FBLN2: variants seen among roughly 807,000 people sequenced by gnomAD.
FBLN2 encodes the protein fibulin-2.
Under a neutral mutation model 123.7 loss-of-function variants are expected in FBLN2, and 81 were observed. The observed-to-expected ratio is 0.65, with a 90% CI of 0.55 to 0.79. The LOEUF (loss-of-function observed/expected upper bound fraction) is 0.79. Among genes scored for constraint, FBLN2 ranks in the 30% least tolerant of loss-of-function variants. The probability of loss-of-function intolerance (pLI) is 0.00; values close to 1 mark genes in which losing one functional copy is unlikely to be tolerated. For synonymous variants in FBLN2, 699 were observed against 701.4 expected (o/e 1.00, Z 0.05); for missense variants, 1,603 against 1,681.3 (o/e 0.95, Z 0.81).
chr3:13,629,555 G>A (rs190964591), intron 13 of FBLN2, among the ~76,000 whole-genome samples: 3 of 149,734 alleles, frequency 2.0e-5, no homozygotes, highest in Non-Finnish European at 4.4e-5. Flanking sequence ...TGCTTCCCTC[G>A]GTCTCTGTCA....
intron 1 of FBLN2, among the ~76,000 whole-genome samples, chr3:13,550,355 G>A (rs1703287306): frequency 6.6e-6 from 1 of 152,254 alleles, no homozygotes; most frequent in South Asian, 2.1e-4. Flanking sequence ...CTCCGAAATA[G>A]GGGTGCCCTC....
intron 2 of FBLN2, among the ~76,000 whole-genome samples, chr3:13,595,250 C>T (rs1172494886): frequency 6.6e-6 from 1 of 152,154 alleles, no homozygotes; most frequent in Non-Finnish European, 1.5e-5. Flanking sequence ...GTGAGGGCCA[C>T]AGAAAGCAGT....
intron 2 of FBLN2, among the ~76,000 whole-genome samples, chr3:13,599,719 C>T (rs965719633): frequency 2.0e-5 from 3 of 151,354 alleles, no homozygotes; most frequent in Admixed American, 6.6e-5. Context: ...GAGGGATTGG[C>T]CTGGGAGCGT....
At chr3:13,555,862 G>A (rs58747773) in intron 1 of FBLN2, among the ~76,000 whole-genome samples, 6,195 of 152,296 alleles carry the variant, frequency 0.041, 356 homozygotes, top group African/African-American at 0.13. Context: ...AGGGATTCGC[G>A]GGGACATTTC....
chr3:13,595,107 G>A (rs1704798796), intron 2 of FBLN2, among the ~76,000 whole-genome samples: 1 of 152,198 alleles, frequency 6.6e-6, no homozygotes, highest in Non-Finnish European at 1.5e-5. Flanking sequence ...TCCTTCTAGA[G>A]CCAGAGGGAA....
Position 13,631,217 on chromosome 3 carries a change from T to C in FBLN2, c.3086-112T>C, listed in dbSNP as rs1288030266. On this transcript the variant is annotated intron_variant, in intron 15 of 17. Coordinates refer to ENST00000404922, the MANE Select transcript of FBLN2 (RefSeq NM_001004019.2). ...TACTCTCTCAGTCCACTTGTCTTCA[T>C]TTAAAAAATGGGCCCCTAAGCTCTA... 14 of 1,346,752 alleles carry C rather than the reference T, an allele frequency of 1.0e-5. 1 individual carries two copies. Among genetic ancestry groups the C allele is most frequent in the Admixed American group, 2.5e-5 (1 of 39,818 alleles). 83.4% of individuals were successfully genotyped at this position (1,346,752 alleles called of 1,614,324 possible). A position where few individuals can be genotyped will look rare whatever the true frequency, so the allele number is the denominator to read the frequency against.
At chr3:13,589,243 G>A (rs892500998) in intron 2 of FBLN2, among the ~76,000 whole-genome samples, 6 of 152,164 alleles carry the variant, frequency 3.9e-5, no homozygotes, top group Non-Finnish European at 7.4e-5. Context: ...ATGAAAATGC[G>A]GATGACAGTC....
intron 10 of FBLN2, among the ~76,000 whole-genome samples, chr3:13,627,306 T>A (rs980742797): frequency 1.3e-5 from 2 of 152,124 alleles, no homozygotes; most frequent in African/African-American, 4.8e-5. Flanking sequence ...AAAGACAGTC[T>A]CCGGGGTTGG....
intron 2 of FBLN2, among the ~76,000 whole-genome samples, chr3:13,575,977 G>A (rs1704127277): frequency 6.6e-6 from 1 of 152,176 alleles, no homozygotes; most frequent in Non-Finnish European, 1.5e-5. Context: ...TCATATCACA[G>A]AAACAAGAGC....
intron 2 of FBLN2, among the ~76,000 whole-genome samples, chr3:13,593,669 G>A (rs1489287226): frequency 6.9e-6 from 1 of 144,336 alleles, no homozygotes; most frequent in African/African-American, 2.6e-5. Context: ...AGCTGAGATC[G>A]CGCCACTGCA....
chr3:13,549,906 G>A (rs1188050292), intron 1 of FBLN2, among the ~76,000 whole-genome samples: 1 of 152,184 alleles, frequency 6.6e-6, no homozygotes, highest in Non-Finnish European at 1.5e-5. Context: ...CCCCTCCGAG[G>A]CATGCCTCTA....
intron 2 of FBLN2, among the ~76,000 whole-genome samples, chr3:13,597,950 G>C (rs1704900626): frequency 6.6e-6 from 1 of 152,238 alleles, no homozygotes; most frequent in Non-Finnish European, 1.5e-5. Context: ...GTCAGAGTGG[G>C]AGAGCACCTG....
chr3:13,572,030 G>A (rs557807530), intron 2 of FBLN2, among the ~76,000 whole-genome samples: 2 of 152,236 alleles, frequency 1.3e-5, no homozygotes, highest in East Asian at 3.8e-4. Flanking sequence ...AATGCGAAGG[G>A]CGGTCTCTTC....
intron 3 of FBLN2, 68 bp from the exon 4 acceptor site, chr3:13,609,445 C>G: frequency 1.4e-6 from 2 of 1,476,790 alleles, no homozygotes; most frequent in Non-Finnish European, 1.8e-6. Flanking sequence ...TCCTCTGAGC[C>G]TCACTCACTT....
chr3:13,606,112 C>G (rs765609356), intron 2 of FBLN2, among the ~76,000 whole-genome samples: 1 of 152,140 alleles, frequency 6.6e-6, no homozygotes, highest in Non-Finnish European at 1.5e-5. Context: ...GTTGTCCAGG[C>G]TGGTCTCGAA....
chr3:13,614,560 C>T (rs1212986646), intron 5 of FBLN2, among the ~76,000 whole-genome samples: 2 of 149,338 alleles, frequency 1.3e-5, no homozygotes, highest in African/African-American at 2.5e-5. Context: ...CTCATTCATC[C>T]TCTATCCCAT....
chr3:13,636,675 C>T (rs991909668), intron 17 of FBLN2, 107 bp downstream of exon 17: 1 of 1,344,366 alleles, frequency 7.4e-7, no homozygotes, highest in Non-Finnish European at 1.0e-6. Context: ...TCCCTCTCGT[C>T]CCAGCCCCTG....
At chr3:13,596,921 A>G (rs185402318) in intron 2 of FBLN2, among the ~76,000 whole-genome samples, 1 of 148,338 alleles carries the variant, frequency 6.7e-6, no homozygotes, top group Non-Finnish European at 1.5e-5. Flanking sequence ...TTAAAAAATA[A>G]ATTTGTTTAT....
chr3:13,566,057 C>A (rs1351225794), intron 1 of FBLN2, among the ~76,000 whole-genome samples: 1 of 152,186 alleles, frequency 6.6e-6, no homozygotes, highest in African/African-American at 2.4e-5. Context: ...TGGCTTGGTG[C>A]AGTGTGACTG....
Sources: gnomAD v4.1 joint callset for allele counts (sites outside exome capture counted in the v4.1 genomes callset) on GRCh38, gnomAD v4.1.1 for gene constraint, MANE v1.5 for transcripts, NCBI Gene and HGNC (gene_info 2026-07-23, HGNC 2026-07-21) for gene names.